The following CEP162 variants were observed in gnomAD, a reference collection of about 807,000 sequenced individuals.
CEP162 encodes the protein centrosomal protein 162.
Under a neutral mutation model 169.2 loss-of-function variants are expected in CEP162, and 141 were observed. That is an observed-to-expected ratio of 0.83 (90% CI 0.73 to 0.96). The LOEUF is 0.96. Among genes scored for constraint, CEP162 ranks in the 40% least tolerant of loss-of-function variants. The pLI is 0.00. For synonymous variants in CEP162, 540 were observed against 526.4 expected (o/e 1.03, Z -0.35); for missense variants, 1,600 against 1,587.2 (o/e 1.01, Z -0.14).
chr6:84,188,405 C>T (rs149828559), intron 11 of CEP162, among the ~76,000 whole-genome samples: 1,738 of 152,144 alleles, frequency 0.011, 9 homozygotes, highest in South Asian at 0.016. Flanking sequence ...CAAGTAGGCC[C>T]CAGTGTCTGT....
At chr6:84,186,644 CAG>C (rs779639785) in intron 11 of CEP162, 21 bp from the exon 12 acceptor site, 1 of 1,577,062 alleles carries the variant, frequency 6.3e-7, no homozygotes, top group East Asian at 2.2e-5. Context: ...AAACAGGACA[CAG>C]ATAATGAACC....
At chr6:84,179,193 T>G (rs576040720) in intron 13 of CEP162, among the ~76,000 whole-genome samples, 2 of 152,140 alleles carry the variant, frequency 1.3e-5, no homozygotes, top group Non-Finnish European at 2.9e-5. Context: ...GGATGGCTGG[T>G]TCAAAAGGTA....
At chr6:84,191,513 G>A (rs1369354152) in intron 11 of CEP162, among the ~76,000 whole-genome samples, 2 of 152,208 alleles carry the variant, frequency 1.3e-5, no homozygotes, top group Non-Finnish European at 2.9e-5. Flanking sequence ...CTTGCTGAAA[G>A]GGTGTATCTA....
At chr6:84,225,925 G>A (rs2099555551) in intron 2 of CEP162, among the ~76,000 whole-genome samples, 1 of 151,996 alleles carries the variant, frequency 6.6e-6, no homozygotes, top group African/African-American at 2.4e-5. Flanking sequence ...GCAATGTCTG[G>A]GAAAGAAAAA....
chr6:84,163,447 A>G (rs1408426342), intron 18 of CEP162, among the ~76,000 whole-genome samples, 177 bp from the exon 19 acceptor site: 1 of 152,154 alleles, frequency 6.6e-6, no homozygotes, highest in African/African-American at 2.4e-5. Context: ...GCAATAGCCT[A>G]TTAAAATCAG....
At chr6:84,212,151 C>A (rs1322977975) in intron 6 of CEP162, among the ~76,000 whole-genome samples, 2 of 152,002 alleles carry the variant, frequency 1.3e-5, no homozygotes, top group African/African-American at 2.4e-5. Context: ...CTAGCAGTAA[C>A]CTGCACTACA....
chr6:84,148,082 G>A (rs1268200635), intron 24 of CEP162, among the ~76,000 whole-genome samples: 3 of 152,102 alleles, frequency 2.0e-5, no homozygotes, highest in Non-Finnish European at 4.4e-5. Flanking sequence ...TTGATAGAAT[G>A]CTTATAGTTG....
At position 84,124,575 on chromosome 6, in the gene CEP162, T is replaced by C. The variant is rs2099508172; in HGVS notation, c.*495A>G. 1.8e-5 allele frequency: 3 copies of C among 170,750 alleles called. No homozygotes were observed. The Admixed American group carries it at 1.9e-4, about 11-fold the overall frequency. 10.6% of individuals were successfully genotyped at this position (170,750 alleles called of 1,614,324 possible). ...AGATAACAGACACTGGGGACTCCAA[T>C]AGGGGAAAGAGTGTGAGCGGCAGTA... On this transcript the variant is annotated 3_prime_UTR_variant, in exon 27 of 27. Transcript: ENST00000403245.
chr6:84,201,776 A>G lies in CEP162; in HGVS notation c.688-9T>C. 1 of 1,289,834 alleles carries G rather than the reference A, an allele frequency of 7.8e-7. No individual in the cohort carries two copies. The highest frequency in any genetic ancestry group is 2.5e-5 in the East Asian group (1 of 39,496). 79.9% of individuals were successfully genotyped at this position (1,289,834 alleles called of 1,614,324 possible). A position where few individuals can be genotyped will look rare whatever the true frequency, so the allele number is the denominator to read the frequency against. Reference sequence around the variant, plus strand: ...CCAGTTTTTTCTTCTTCCTAAATTAAAAAAGGAAAATGATGATATGTTTTG... The same window carrying G: ...CCAGTTTTTTCTTCTTCCTAAATTAGAAAAGGAAAATGATGATATGTTTTG... On this transcript the variant is annotated splice_polypyrimidine_tract_variant and intron_variant, in intron 7 of 26. Transcript: ENST00000403245.
At chr6:84,198,137 T>C (rs1322118831) in intron 9 of CEP162, among the ~76,000 whole-genome samples, 1 of 152,202 alleles carries the variant, frequency 6.6e-6, no homozygotes, top group African/African-American at 2.4e-5. Flanking sequence ...TGTTTGAAAA[T>C]TAACCAATGT....
chr6:84,193,997 C>T (rs1029679361), intron 10 of CEP162, among the ~76,000 whole-genome samples: 8 of 152,064 alleles, frequency 5.3e-5, no homozygotes, highest in Admixed American at 3.9e-4. Context: ...CTTTAATATA[C>T]GTACATACAA....
intron 25 of CEP162, among the ~76,000 whole-genome samples, chr6:84,134,912 TCA>T (rs1491370059): frequency 9.4e-6 from 1 of 106,880 alleles, no homozygotes; most frequent in African/African-American, 3.8e-5. Flanking sequence ...CATGAAAAGA[TCA>T]TATATACACA....
intron 7 of CEP162, among the ~76,000 whole-genome samples, chr6:84,203,189 T>C (rs1047775817): frequency 3.3e-5 from 5 of 152,152 alleles, no homozygotes; most frequent in Admixed American, 1.3e-4. Context: ...AACTGGGAAA[T>C]GTGAGAATTA....
At chr6:84,165,435 GCTCA>G (rs751990692) in intron 18 of CEP162, among the ~76,000 whole-genome samples, 5 of 151,870 alleles carry the variant, frequency 3.3e-5, no homozygotes, top group Non-Finnish European at 7.4e-5. Context: ...ACCTTTCAAA[GCTCA>G]CTTCAAGTTA....
chr6:84,182,015 T>A (rs1190530239), intron 13 of CEP162, among the ~76,000 whole-genome samples: 2 of 152,092 alleles, frequency 1.3e-5, no homozygotes, highest in African/African-American at 4.8e-5. Flanking sequence ...GATATACAAT[T>A]TCTTAGGAAG....
intron 13 of CEP162, among the ~76,000 whole-genome samples, chr6:84,179,929 G>A (rs2099534052): frequency 1.3e-5 from 2 of 152,096 alleles, no homozygotes; most frequent in Non-Finnish European, 1.5e-5. Context: ...GAAGGAGCTG[G>A]TACCATTCCT....
chr6:84,213,151 T>TAGAA, intron 5 of CEP162, 127 bp from the exon 6 acceptor site: 1 of 513,466 alleles, frequency 1.9e-6, no homozygotes, highest in Non-Finnish European at 3.3e-6. Context: ...TTTTGTTCTA[T>TAGAA]CAAAAGCTAA....
chr6:84,174,349 G>A (rs1045426993), intron 15 of CEP162, among the ~76,000 whole-genome samples, 161 bp from the exon 16 acceptor site: 1 of 152,188 alleles, frequency 6.6e-6, no homozygotes, highest in Non-Finnish European at 1.5e-5. Flanking sequence ...GTGCTGTTTT[G>A]TGCTGATGGT....
chr6:84,226,140 A>G (rs2099555645), intron 2 of CEP162, among the ~76,000 whole-genome samples, 197 bp downstream of exon 2: 2 of 152,002 alleles, frequency 1.3e-5, no homozygotes, highest in Admixed American at 1.3e-4. Flanking sequence ...ATGCTGGACC[A>G]TGAGTTGAGA....
Sources: allele counts gnomAD v4.1 joint callset (sites outside exome capture counted in the v4.1 genomes callset), GRCh38; gene constraint gnomAD v4.1.1; transcripts MANE v1.5; gene names NCBI Gene and HGNC (gene_info 2026-07-23, HGNC 2026-07-21).